The following CACNA2D3 variants were observed in gnomAD, a reference collection of about 807,000 sequenced individuals.
CACNA2D3 encodes the protein voltage-dependent calcium channel subunit alpha-2/delta-3.
Under a neutral mutation model 160.6 loss-of-function variants are expected in CACNA2D3, and 60 were observed. That is an observed-to-expected ratio of 0.37 (90% CI 0.30 to 0.46). CACNA2D3 has a LOEUF of 0.46. CACNA2D3 is among the 20% of genes least tolerant of loss of function. The pLI, the probability that CACNA2D3 is intolerant of heterozygous loss-of-function variation, is 1.00. For missense variants in CACNA2D3, 1,205 were observed against 1,365.0 expected, an observed-to-expected ratio of 0.88 and a Z score of 1.85; for synonymous variants, 558 against 492.9, an observed-to-expected ratio of 1.13 and a Z score of -1.75.
At chr3:54,482,427 A>G (rs1370015670) in intron 4 of CACNA2D3, among the ~76,000 whole-genome samples, 1 of 152,248 alleles carries the variant, frequency 6.6e-6, no homozygotes, top group Non-Finnish European at 1.5e-5. Flanking sequence ...TCAACCAAGT[A>G]GAATGCCTTC....
chr3:54,780,245 C>T (rs1305820789), intron 13 of CACNA2D3, among the ~76,000 whole-genome samples: 1 of 152,188 alleles, frequency 6.6e-6, no homozygotes, highest in Non-Finnish European at 1.5e-5. Context: ...AAGTTTAGGT[C>T]TGAAGCAACT....
At chr3:54,986,927 GCATGAGGATGTTAATTCTT>G (rs1702627470) in intron 30 of CACNA2D3, among the ~76,000 whole-genome samples, 1 of 152,198 alleles carries the variant, frequency 6.6e-6, no homozygotes, top group Non-Finnish European at 1.5e-5. Context: ...CAGAGGGCAT[GCATGAGGATGTTAATTCTT>G]CATTCCACCA....
chr3:54,400,231 C>G (rs1465673852), intron 4 of CACNA2D3, among the ~76,000 whole-genome samples: 1 of 150,418 alleles, frequency 6.6e-6, no homozygotes, highest in Admixed American at 6.6e-5. Context: ...CCCGGTACCT[C>G]AGATGGAAAT....
chr3:54,640,094 G>T (rs2106842381), intron 10 of CACNA2D3, among the ~76,000 whole-genome samples: 1 of 152,286 alleles, frequency 6.6e-6, no homozygotes, highest in East Asian at 1.9e-4. Flanking sequence ...TTAAGGTGGG[G>T]CAGGGCATAT....
intron 27 of CACNA2D3, among the ~76,000 whole-genome samples, chr3:54,938,865 A>G (rs993178419): frequency 7.2e-5 from 11 of 152,172 alleles, no homozygotes; most frequent in Non-Finnish European, 1.5e-5. Context: ...CATGTGGACA[A>G]TCCCCATTAG....
chr3:54,322,776 A>G (rs1407116265), intron 3 of CACNA2D3, among the ~76,000 whole-genome samples: 1 of 151,974 alleles, frequency 6.6e-6, no homozygotes, highest in Non-Finnish European at 1.5e-5. Flanking sequence ...GCGTCTTCGT[A>G]TTGCCTAATT....
intron 14 of CACNA2D3, among the ~76,000 whole-genome samples, chr3:54,821,701 C>CTTTCTTTCT (rs1413412138): frequency 3.0e-5 from 2 of 67,546 alleles, no homozygotes; most frequent in African/African-American, 9.2e-5. Flanking sequence ...TCTTTCTTTC[C>CTTTCTTTCT]TTCCTTCCTT....
At chr3:55,045,993 T>A (rs975795310) in intron 35 of CACNA2D3, among the ~76,000 whole-genome samples, 2 of 152,068 alleles carry the variant, frequency 1.3e-5, no homozygotes, top group African/African-American at 4.8e-5. Flanking sequence ...ATTTGAGGAC[T>A]TTCTTCTTTC....
chr3:54,235,511 T>C (rs1183631734), intron 2 of CACNA2D3, among the ~76,000 whole-genome samples: 1 of 152,142 alleles, frequency 6.6e-6, no homozygotes, highest in African/African-American at 2.4e-5. Context: ...CACTCACTCA[T>C]TGTCACAAGA....
chr3:54,753,827 A>G (rs756279922), intron 12 of CACNA2D3, among the ~76,000 whole-genome samples: 24 of 152,210 alleles, frequency 1.6e-4, no homozygotes, highest in Non-Finnish European at 2.1e-4. Flanking sequence ...GACTACATCA[A>G]GGTAATTAAC....
intron 27 of CACNA2D3, among the ~76,000 whole-genome samples, chr3:54,926,810 G>A (rs539115652): frequency 6.6e-6 from 1 of 152,284 alleles, no homozygotes; most frequent in Non-Finnish European, 1.5e-5. Context: ...CTGTAAAACA[G>A]CATCCTTGTT....
intron 29 of CACNA2D3, among the ~76,000 whole-genome samples, chr3:54,973,609 G>A (rs1317687215): frequency 6.6e-6 from 1 of 152,100 alleles, no homozygotes; most frequent in Non-Finnish European, 1.5e-5. Context: ...GCAACGAGAA[G>A]GGCTGCCTCC....
intron 29 of CACNA2D3, 111 bp from the exon 30 acceptor site, chr3:54,984,497 C>CA: frequency 1.4e-6 from 1 of 702,700 alleles, no homozygotes; most frequent in Non-Finnish European, 2.4e-6. Flanking sequence ...AATTGCTTTC[C>CA]AAAAAAATAA....
chr3:54,771,215 T>C lies in CACNA2D3; in HGVS notation c.1380+6864T>C, dbSNP rs529710947. Among the ~76,000 whole-genome samples the C allele has an allele frequency of 2.0e-5, 3 of 152,246 alleles. No homozygotes were observed. In the East Asian group the frequency reaches 5.8e-4, roughly 29 times the overall value. ...GGTGTGTGAGCAGCTGTGATTTCCA[T>C]CTAGAAACAACCAACACACTCCCAT... On this transcript the variant is annotated intron_variant, in intron 13 of 37. Transcript: ENST00000474759.
At chr3:54,493,313 G>T (rs1177585655) in intron 4 of CACNA2D3, among the ~76,000 whole-genome samples, 1 of 151,994 alleles carries the variant, frequency 6.6e-6, no homozygotes, top group East Asian at 1.9e-4. Flanking sequence ...TTGAGCTCAG[G>T]CAGTCCACCC....
intron 13 of CACNA2D3, among the ~76,000 whole-genome samples, chr3:54,807,342 TCAAA>T (rs1240758443): frequency 2.0e-5 from 3 of 151,964 alleles, no homozygotes; most frequent in Admixed American, 6.6e-5. Flanking sequence ...TACAATGAAC[TCAAA>T]CAAATTTACA....
intron 35 of CACNA2D3, among the ~76,000 whole-genome samples, chr3:55,056,743 A>C (rs1704370282): frequency 6.6e-6 from 1 of 152,234 alleles, no homozygotes; most frequent in African/African-American, 2.4e-5. Flanking sequence ...TATATGTGGA[A>C]TCTGAAACAA....
chr3:54,511,729 T>C (rs182359470), intron 5 of CACNA2D3, among the ~76,000 whole-genome samples: 2 of 152,326 alleles, frequency 1.3e-5, no homozygotes, highest in East Asian at 1.9e-4. Context: ...CAGGAATGGT[T>C]ACTAATAGTG....
chr3:54,792,009 A>C (rs1190521416), intron 13 of CACNA2D3, among the ~76,000 whole-genome samples: 1 of 152,246 alleles, frequency 6.6e-6, no homozygotes, highest in Non-Finnish European at 1.5e-5. Context: ...AGGTAACACC[A>C]TTCACTATGG....
Sources: allele counts gnomAD v4.1 joint callset (sites outside exome capture counted in the v4.1 genomes callset), GRCh38; gene constraint gnomAD v4.1.1; transcripts MANE v1.5; gene names NCBI Gene and HGNC (gene_info 2026-07-23, HGNC 2026-07-21).